Variants in NALF1 observed in about 807,000 individuals in gnomAD.
NALF1 encodes family with sequence similarity 155 member A.
A neutral mutation model predicts 48.4 loss-of-function variants in NALF1; 3 were observed. That is an observed-to-expected ratio of 0.06 (90% CI 0.03 to 0.16). The LOEUF is 0.16. Among genes scored for constraint, NALF1 ranks in the 10% least tolerant of loss-of-function variants. The pLI is 1.00. For missense variants in NALF1, 526 were observed against 571.5 expected (o/e 0.92, Z 0.81); for synonymous variants, 262 against 245.7 (o/e 1.07, Z -0.62).
At chr13:107,514,808 T>G (rs780155083) in intron 1 of NALF1, among the ~76,000 whole-genome samples, 1 of 152,216 alleles carries the variant, frequency 6.6e-6, no homozygotes, top group Non-Finnish European at 1.5e-5. Context: ...ACTTATCTGC[T>G]GGCTGTAGCC....
rs1878759716 is a variant in NALF1, at chr13:107,169,921, T to C, written c.*576A>G. The C allele has an allele frequency of 6.6e-6, 1 of 152,622 alleles. No homozygotes were observed. Among genetic ancestry groups the C allele is most frequent in the African/African-American group, 2.4e-5 (1 of 41,410 alleles). 9.5% of individuals were successfully genotyped at this position (152,622 alleles called of 1,614,324 possible). On this transcript the variant is annotated 3_prime_UTR_variant, in exon 3 of 3. Coordinates refer to ENST00000375915, the MANE Select transcript of NALF1 (RefSeq NM_001080396.3). Reference sequence around the variant, plus strand: ...GCCGGGAAGGGTGTTGTTGGTTCTGTGGGTAGAAGGGAGACTTAGGGATTT... The same window carrying C: ...GCCGGGAAGGGTGTTGTTGGTTCTGCGGGTAGAAGGGAGACTTAGGGATTT...
intron 1 of NALF1, among the ~76,000 whole-genome samples, chr13:107,441,828 A>C (rs1360853483): frequency 6.6e-6 from 1 of 151,934 alleles, no homozygotes; most frequent in African/African-American, 2.4e-5. Context: ...ATAGGCAAAG[A>C]CTCCTTTTGG....
At chr13:107,280,213 G>A (rs192936495) in intron 1 of NALF1, among the ~76,000 whole-genome samples, 2 of 152,250 alleles carry the variant, frequency 1.3e-5, no homozygotes, top group East Asian at 3.9e-4. Context: ...GTCTCCAACT[G>A]TTAAACTTCC....
chr13:107,387,311 A>T (rs1016404892), intron 1 of NALF1, among the ~76,000 whole-genome samples: 1 of 152,198 alleles, frequency 6.6e-6, no homozygotes, highest in African/African-American at 2.4e-5. Flanking sequence ...GTGGGATAAC[A>T]TCTGACACAG....
chr13:107,824,842 A>G (rs928887257), intron 1 of NALF1, among the ~76,000 whole-genome samples: 18 of 152,190 alleles, frequency 1.2e-4, no homozygotes, highest in African/African-American at 4.1e-4. Context: ...GTCATAAATC[A>G]TGTTTGCTTT....
At chr13:107,812,484 T>A (rs997599517) in intron 1 of NALF1, among the ~76,000 whole-genome samples, 1 of 152,098 alleles carries the variant, frequency 6.6e-6, no homozygotes, top group Admixed American at 6.5e-5. Flanking sequence ...AGCAATGTGA[T>A]TTTTAGTCAT....
intron 1 of NALF1, among the ~76,000 whole-genome samples, chr13:107,464,082 T>G (rs1455513432): frequency 6.6e-6 from 1 of 152,190 alleles, no homozygotes; most frequent in African/African-American, 2.4e-5. Flanking sequence ...ACCCCAAAAC[T>G]CATGCTCACA....
intron 1 of NALF1, among the ~76,000 whole-genome samples, chr13:107,831,013 AAAG>A: frequency 6.6e-6 from 1 of 152,232 alleles, no homozygotes; most frequent in East Asian, 1.9e-4. Context: ...TGTGCGGATT[AAAG>A]GAGCTCCTTA....
intron 1 of NALF1, among the ~76,000 whole-genome samples, chr13:107,526,469 A>T (rs944404610): frequency 6.6e-6 from 1 of 152,080 alleles, no homozygotes; most frequent in Non-Finnish European, 1.5e-5. Flanking sequence ...ATTTGTGTAG[A>T]TCATTTAATA....
At chr13:107,485,023 A>G (rs7337566) in intron 1 of NALF1, among the ~76,000 whole-genome samples, 50,208 of 152,062 alleles carry the variant, frequency 0.33, 8,465 homozygotes, top group Middle Eastern at 0.38. Context: ...ATAACCTCAC[A>G]GGACATGATA....
intron 1 of NALF1, among the ~76,000 whole-genome samples, chr13:107,355,583 T>C (rs756110998): frequency 3.3e-5 from 5 of 152,078 alleles, no homozygotes; most frequent in Non-Finnish European, 7.4e-5. Context: ...CTTGCTGCTC[T>C]CATGAGTGTG....
chr13:107,317,602 C>G (rs1882174814), intron 1 of NALF1, among the ~76,000 whole-genome samples: 1 of 152,004 alleles, frequency 6.6e-6, no homozygotes, highest in Non-Finnish European at 1.5e-5. Context: ...ACAGATTACA[C>G]TTCTAGTTTG....
chr13:107,224,045 T>C, intron 1 of NALF1, among the ~76,000 whole-genome samples: 1 of 152,264 alleles, frequency 6.6e-6, no homozygotes, highest in Middle Eastern at 3.4e-3. Context: ...TGATTATCAG[T>C]TGATTATTGA....
intron 1 of NALF1, among the ~76,000 whole-genome samples, chr13:107,217,792 T>C (rs1434066250): frequency 6.6e-6 from 1 of 152,184 alleles, no homozygotes; most frequent in African/African-American, 2.4e-5. Flanking sequence ...GCTCGCGCCA[T>C]CAGCATCTCT....
intron 1 of NALF1, among the ~76,000 whole-genome samples, chr13:107,632,693 A>G (rs979396500): frequency 6.6e-6 from 1 of 152,194 alleles, no homozygotes; most frequent in African/African-American, 2.4e-5. Context: ...TTCATTCATT[A>G]GGCTTAAAGA....
chr13:107,187,451 T>A lies in NALF1; in HGVS notation c.1088-16665A>T, dbSNP rs75073131. Among the ~76,000 whole-genome samples, 692 of 152,300 alleles carry A rather than the reference T, an allele frequency of 4.5e-3. 5 individuals are homozygous for A. The highest frequency in any genetic ancestry group is 0.016 in the African/African-American group (648 of 41,560). Reference sequence around the variant, plus strand: ...GTCAAGTCTCTCCAACAGGCAGAATTATCTGCAGGGTGAGGGGATGGGAAA... The same window carrying A: ...GTCAAGTCTCTCCAACAGGCAGAATAATCTGCAGGGTGAGGGGATGGGAAA... On this transcript the variant is annotated intron_variant, in intron 2 of 2. Coordinates refer to ENST00000375915, the MANE Select transcript of NALF1 (RefSeq NM_001080396.3).
At chr13:107,316,329 G>A (rs1437866465) in intron 1 of NALF1, among the ~76,000 whole-genome samples, 3 of 151,158 alleles carry the variant, frequency 2.0e-5, no homozygotes, top group Non-Finnish European at 2.9e-5. Flanking sequence ...CCAAGTCTTC[G>A]CTATTGTGAA....
At chr13:107,492,034 TTTTTTTTG>T (rs1251305112) in intron 1 of NALF1, among the ~76,000 whole-genome samples, 3 of 107,828 alleles carry the variant, frequency 2.8e-5, no homozygotes, top group African/African-American at 7.7e-5. Flanking sequence ...CTGTCTGGGT[TTTTTTTTG>T]TTTTTTTTTT....
At chr13:107,653,159 C>T (rs1313248918) in intron 1 of NALF1, among the ~76,000 whole-genome samples, 2 of 149,880 alleles carry the variant, frequency 1.3e-5, no homozygotes, top group South Asian at 2.1e-4. Flanking sequence ...ACATGACATT[C>T]GAAGGAAAAA....
Sources: gnomAD v4.1 joint callset for allele counts (sites outside exome capture counted in the v4.1 genomes callset) on GRCh38, gnomAD v4.1.1 for gene constraint, MANE v1.5 for transcripts, NCBI Gene and HGNC (gene_info 2026-07-23, HGNC 2026-07-21) for gene names.